Variants in CNTNAP2 observed in about 807,000 individuals in gnomAD.
The protein encoded by CNTNAP2 is contactin-associated protein-like 2.
In CNTNAP2, 98 loss-of-function variants were observed where a neutral mutation model predicts 155.2. That is an observed-to-expected ratio of 0.63 (90% CI 0.54 to 0.75). The LOEUF (loss-of-function observed/expected upper bound fraction) is 0.75. CNTNAP2 is among the 30% of genes least tolerant of loss of function. CNTNAP2 has a pLI of 0.00. For synonymous variants in CNTNAP2, 651 were observed against 631.2 expected (o/e 1.03, Z -0.47); for missense variants, 1,727 against 1,688.1 (o/e 1.02, Z -0.40).
At chr7:146,578,613 A>C (rs1328767019) in intron 1 of CNTNAP2, among the ~76,000 whole-genome samples, 2 of 152,164 alleles carry the variant, frequency 1.3e-5, no homozygotes, top group African/African-American at 4.8e-5. Flanking sequence ...AATTACTATA[A>C]GTTGGCATTT....
chr7:147,622,888 GA>G (rs1563026074), intron 12 of CNTNAP2, among the ~76,000 whole-genome samples: 1 of 151,572 alleles, frequency 6.6e-6, no homozygotes, highest in Non-Finnish European at 1.5e-5. Flanking sequence ...GCCAGACTAG[GA>G]AAAAAAGATC....
intron 1 of CNTNAP2, among the ~76,000 whole-genome samples, chr7:146,694,496 G>A (rs549303756): frequency 6.6e-6 from 1 of 152,102 alleles, no homozygotes; most frequent in South Asian, 2.1e-4. Context: ...ACCCAGTCTT[G>A]ATCACTATGG....
At chr7:147,955,355 C>T (rs1801002516) in intron 14 of CNTNAP2, among the ~76,000 whole-genome samples, 1 of 151,964 alleles carries the variant, frequency 6.6e-6, no homozygotes, top group Non-Finnish European at 1.5e-5. Flanking sequence ...ATTAAAAACC[C>T]TCTACTTATT....
chr7:148,327,494 T>C (rs1372845561), intron 21 of CNTNAP2, among the ~76,000 whole-genome samples: 1 of 152,150 alleles, frequency 6.6e-6, no homozygotes, highest in African/African-American at 2.4e-5. Flanking sequence ...TGAACACACC[T>C]TGTTTTGTAA....
chr7:146,562,016 C>T (rs982417021), intron 1 of CNTNAP2, among the ~76,000 whole-genome samples: 1 of 152,044 alleles, frequency 6.6e-6, no homozygotes, highest in Non-Finnish European at 1.5e-5. Flanking sequence ...TCTCAAATTC[C>T]TGGGCTCAAG....
intron 20 of CNTNAP2, among the ~76,000 whole-genome samples, chr7:148,257,241 T>G (rs1161364457): frequency 6.6e-6 from 1 of 152,214 alleles, no homozygotes; most frequent in Non-Finnish European, 1.5e-5. Flanking sequence ...AAAGGCTCCC[T>G]GACTTATCCA....
chr7:148,274,760 C>T (rs989756135), intron 21 of CNTNAP2, among the ~76,000 whole-genome samples: 71 of 152,182 alleles, frequency 4.7e-4, no homozygotes, highest in African/African-American at 1.7e-3. Flanking sequence ...TTATAAATTA[C>T]CCAGTCTCAG....
chr7:146,366,021 T>C (rs1795150193), intron 1 of CNTNAP2, among the ~76,000 whole-genome samples: 1 of 152,178 alleles, frequency 6.6e-6, no homozygotes, highest in Non-Finnish European at 1.5e-5. Flanking sequence ...TCCTTATTTT[T>C]ACTTCAATTT....
chr7:147,949,705 G>A (rs1057257063), intron 14 of CNTNAP2, among the ~76,000 whole-genome samples: 1 of 152,112 alleles, frequency 6.6e-6, no homozygotes, highest in Non-Finnish European at 1.5e-5. Flanking sequence ...CCACTCTGCT[G>A]GGTCAGATGG....
At chr7:146,202,061 A>G (rs1019581117) in intron 1 of CNTNAP2, among the ~76,000 whole-genome samples, 5 of 152,162 alleles carry the variant, frequency 3.3e-5, no homozygotes, top group Admixed American at 6.5e-5. Flanking sequence ...ATTTGTATAT[A>G]AAACATATTG....
chr7:146,637,123 T>A (rs1799612585), intron 1 of CNTNAP2, among the ~76,000 whole-genome samples: 1 of 152,238 alleles, frequency 6.6e-6, no homozygotes, highest in Non-Finnish European at 1.5e-5. Context: ...GAAATTTTGC[T>A]GAGTGGCTTA....
rs549492827 is a variant in CNTNAP2, at chr7:147,351,733, A to C, written c.1499-43876A>C. 1.2e-3 allele frequency among the ~76,000 whole-genome samples: 178 copies of C among 151,934 alleles called. 1 individual carries two copies. The highest frequency in any genetic ancestry group is 2.3e-3 in the Non-Finnish European group (157 of 67,772). ...GTATTGATGCACTAGAACTCCAAGCAAGCGTCTCAGAGTGTTCTATCACAA... is the reference window on the plus strand; with the variant it reads ...GTATTGATGCACTAGAACTCCAAGCCAGCGTCTCAGAGTGTTCTATCACAA... On this transcript the variant is annotated intron_variant, in intron 9 of 23. Transcript: ENST00000361727.
chr7:148,330,196 T>C (rs1186511238), intron 21 of CNTNAP2, among the ~76,000 whole-genome samples: 1 of 131,030 alleles, frequency 7.6e-6, no homozygotes, highest in Non-Finnish European at 1.6e-5. Flanking sequence ...ATGGAATGGG[T>C]GGATGGAGTG....
At chr7:148,149,117 A>T (rs558639249) in intron 17 of CNTNAP2, among the ~76,000 whole-genome samples, 1 of 152,190 alleles carries the variant, frequency 6.6e-6, no homozygotes, top group Non-Finnish European at 1.5e-5. Context: ...TCTGGTTTTC[A>T]TCATAACAGG....
At chr7:147,804,598 G>C (rs1268528292) in intron 13 of CNTNAP2, among the ~76,000 whole-genome samples, 1 of 151,810 alleles carries the variant, frequency 6.6e-6, no homozygotes, top group East Asian at 1.9e-4. Context: ...TTGTCACCCA[G>C]ACTGGAGTAC....
intron 14 of CNTNAP2, among the ~76,000 whole-genome samples, chr7:147,916,454 G>A (rs1364329488): frequency 1.3e-5 from 2 of 152,120 alleles, no homozygotes; most frequent in African/African-American, 4.8e-5. Context: ...GTGTGATCCT[G>A]TCAAATGTTC....
chr7:146,145,567 G>T (rs909029200), intron 1 of CNTNAP2, among the ~76,000 whole-genome samples: 1 of 152,138 alleles, frequency 6.6e-6, no homozygotes, highest in Non-Finnish European at 1.5e-5. Context: ...CTGTGTGCCG[G>T]TTTCCCAGTG....
chr7:147,123,072 T>C (rs1584857910), intron 6 of CNTNAP2, among the ~76,000 whole-genome samples: 1 of 152,268 alleles, frequency 6.6e-6, no homozygotes, highest in East Asian at 1.9e-4. Context: ...GGAGACTTTA[T>C]TAACATTAAA....
At chr7:146,704,264 T>C (rs544537506) in intron 1 of CNTNAP2, among the ~76,000 whole-genome samples, 1 of 152,244 alleles carries the variant, frequency 6.6e-6, no homozygotes, top group South Asian at 2.1e-4. Context: ...ACATGCGTTA[T>C]AAGCTCAGCC....
Sources: gnomAD v4.1 joint callset for allele counts (sites outside exome capture counted in the v4.1 genomes callset) on GRCh38, gnomAD v4.1.1 for gene constraint, MANE v1.5 for transcripts, NCBI Gene and HGNC (gene_info 2026-07-23, HGNC 2026-07-21) for gene names.